TRIM2: variants seen among roughly 807,000 people sequenced by gnomAD.
TRIM2 encodes the protein tripartite motif-containing protein 2.
Under a neutral mutation model 75.2 loss-of-function variants are expected in TRIM2, and 20 were observed. The observed-to-expected ratio is 0.27, with a 90% confidence interval of 0.19 to 0.39. TRIM2 has a LOEUF of 0.39. TRIM2 is among the 10% of genes least tolerant of loss of function. TRIM2 has a pLI of 1.00. For missense variants in TRIM2, 660 were observed against 990.8 expected, an observed-to-expected ratio of 0.67 and a Z score of 4.48; for synonymous variants, 373 against 388.3, an observed-to-expected ratio of 0.96 and a Z score of 0.46.
At chr4:153,206,003 C>T (rs1735318081) in intron 1 of TRIM2, among the ~76,000 whole-genome samples, 1 of 152,226 alleles carries the variant, frequency 6.6e-6, no homozygotes, top group Non-Finnish European at 1.5e-5. Context: ...ACTTTTGACT[C>T]TCCCAGGTGG....
At chr4:153,317,574 C>T (rs943196626) in intron 8 of TRIM2, among the ~76,000 whole-genome samples, 3 of 151,366 alleles carry the variant, frequency 2.0e-5, no homozygotes, top group South Asian at 2.1e-4. Context: ...GTGTGAACCC[C>T]GGGAGGCGGA....
chr4:153,161,661 C>T (rs1052978713), intron 1 of TRIM2, among the ~76,000 whole-genome samples: 3 of 152,198 alleles, frequency 2.0e-5, no homozygotes, highest in Admixed American at 1.3e-4. Context: ...AACGCTAGTA[C>T]ACTTATTAGT....
chr4:153,171,716 T>G (rs559194692), intron 1 of TRIM2, among the ~76,000 whole-genome samples: 6 of 152,066 alleles, frequency 3.9e-5, no homozygotes, highest in African/African-American at 1.4e-4. Context: ...AATTGGAAAA[T>G]TACACAAAAG....
chr4:153,212,793 T>C (rs1029450507), intron 1 of TRIM2, among the ~76,000 whole-genome samples: 2 of 152,362 alleles, frequency 1.3e-5, no homozygotes, highest in Non-Finnish European at 2.9e-5. Flanking sequence ...GCCTGTCTTC[T>C]TTATTCCCTT....
intron 3 of TRIM2, among the ~76,000 whole-genome samples, chr4:153,283,819 G>C (rs530069513): frequency 7.4e-6 from 1 of 135,786 alleles, no homozygotes; most frequent in African/African-American, 2.7e-5. Context: ...TGTATTTTTA[G>C]TAGAGACGGG....
intron 6 of TRIM2, among the ~76,000 whole-genome samples, chr4:153,305,750 C>T (rs1486192568): frequency 2.0e-5 from 3 of 152,236 alleles, no homozygotes; most frequent in African/African-American, 7.2e-5. Flanking sequence ...TCTGCCCTCA[C>T]AACACAATAA....
In TRIM2 at chr4:153,336,206, T is replaced by A; in HGVS notation, c.*1240T>A. ...AGCACTCTGAAAGACAGAAGCTTCG[T>A]CCAGCCACTCTTCAGCACATTCCTT... On this transcript the variant is annotated 3_prime_UTR_variant, in exon 12 of 12. Transcript: ENST00000338700. 1.0e-6 allele frequency: 1 copy of A among 985,576 alleles called. No homozygotes were observed. Among genetic ancestry groups the A allele is most frequent in the Non-Finnish European group, 1.2e-6 (1 of 829,878 alleles). 61.1% of individuals were successfully genotyped at this position (985,576 alleles called of 1,614,324 possible). A position where few individuals can be genotyped will look rare whatever the true frequency, so the allele number is the denominator to read the frequency against.
In TRIM2 at chr4:153,338,154, G is replaced by T. The variant is rs1382979914; in HGVS notation, c.*3188G>T. ...TTGCTTCCACTACTAAATATACAGGGTATGTCCTAACATGGAGTTAACTGG... is the reference window on the plus strand; with the variant it reads ...TTGCTTCCACTACTAAATATACAGGTTATGTCCTAACATGGAGTTAACTGG... On this transcript the variant is annotated 3_prime_UTR_variant, in exon 12 of 12. Transcript: ENST00000338700. 1.7e-5 allele frequency: 17 copies of T among 985,670 alleles called. No homozygotes were observed. The highest frequency in any genetic ancestry group is 1.9e-5 in the Non-Finnish European group (16 of 829,938). 61.1% of individuals were successfully genotyped at this position (985,670 alleles called of 1,614,324 possible).
chr4:153,295,138 G>C lies in TRIM2; in HGVS notation c.787-175G>C, dbSNP rs1312516843. 6.6e-6 allele frequency among the ~76,000 whole-genome samples: 1 copy of C among 152,220 alleles called. No individual in the cohort carries two copies. Among genetic ancestry groups the C allele is most frequent in the Non-Finnish European group, 1.5e-5 (1 of 68,026 alleles). On this transcript the variant is annotated intron_variant, in intron 5 of 11. Transcript: ENST00000338700. This position sits in a 1 kb window ranked among gnomAD's most constrained non-coding sequence, Gnocchi z 7.2. ...AAGGGAAACCTCGAAAAGGTACTGG[G>C]AATGCAGTTTAGGACTTTGCGTTAG...
At chr4:153,298,435 C>T (rs978892728) in intron 6 of TRIM2, among the ~76,000 whole-genome samples, 1 of 152,206 alleles carries the variant, frequency 6.6e-6, no homozygotes, top group Non-Finnish European at 1.5e-5. Flanking sequence ...TCTTTGTCCT[C>T]ACATAGTCAT....
At position 153,166,103 on chromosome 4, in the gene TRIM2, C is replaced by G. The variant is rs1405064407; in HGVS notation, c.-49+12833C>G. On this transcript the variant is annotated intron_variant, in intron 1 of 11. Transcript: ENST00000437508. ...AACTTTCAATTTCCAAGGGCTCACT[C>G]CTTGTTCTTTTTTAAAAAAAAATCC... 3.9e-5 allele frequency among the ~76,000 whole-genome samples: 6 copies of G among 151,910 alleles called. No individual in the cohort carries two copies. In the East Asian group the frequency reaches 1.2e-3, roughly 29 times the overall value.
chr4:153,271,378 A>T (rs1018167261), intron 2 of TRIM2, among the ~76,000 whole-genome samples: 2 of 152,190 alleles, frequency 1.3e-5, no homozygotes, highest in African/African-American at 2.4e-5. Context: ...ATGGCTTCAA[A>T]TCTATGCTGA....
intron 1 of TRIM2, among the ~76,000 whole-genome samples, chr4:153,266,186 G>C (rs1487106021): frequency 6.6e-6 from 1 of 152,026 alleles, no homozygotes. Context: ...TTTATTTTGA[G>C]CCAGAGTCTC....
chr4:153,186,084 G>A lies in TRIM2; in HGVS notation c.-49+32814G>A, dbSNP rs114203210. On this transcript the variant is annotated intron_variant, in intron 1 of 11. Transcript: ENST00000437508. ...GGGGAAATGCTACTGGTATCGAGTG[G>A]GTAGAGGCCAGGGAGGCTGGTACAC... Among the ~76,000 whole-genome samples the A allele has an allele frequency of 6.6e-3, 1,001 of 152,214 alleles. 11 individuals are homozygous for A. Among genetic ancestry groups the A allele is most frequent in the African/African-American group, 0.022 (917 of 41,526 alleles).
At chr4:153,324,012 C>A in intron 9 of TRIM2, 66 bp from the exon 10 acceptor site, 1 of 1,243,448 alleles carries the variant, frequency 8.0e-7, no homozygotes, top group Non-Finnish European at 1.2e-6. Flanking sequence ...TTGTTTGTTA[C>A]AGTAACTGCT....
chr4:153,162,450 G>C (rs1450060613), intron 1 of TRIM2, among the ~76,000 whole-genome samples: 2 of 152,172 alleles, frequency 1.3e-5, no homozygotes, highest in Non-Finnish European at 2.9e-5. Context: ...CTGCTGGAAA[G>C]TTCTCTCTTA....
intron 1 of TRIM2, among the ~76,000 whole-genome samples, chr4:153,227,833 G>A (rs146190406): frequency 4.6e-5 from 7 of 152,306 alleles, no homozygotes; most frequent in African/African-American, 1.7e-4. Context: ...GATTATAATA[G>A]TTTGCCTTAG....
rs746604348 is a variant in TRIM2, at chr4:153,295,406, G to A, written c.880G>A (p.Glu294Lys). The change falls in exon 6 of 12, where the codon GAG (glutamate) becomes AAG (lysine). Residue 294 changes from glutamate to lysine, a missense_variant. Glu to Lys is a moderately conservative substitution (Grantham distance 56). Around this residue, in one of 2 missense-constraint regions of TRIM2, gnomAD observed 620 missense variants for 891.0 expected, o/e 0.70. Coordinates refer to ENST00000338700, the MANE Select transcript of TRIM2 (RefSeq NM_015271.5). The surrounding 1 kb of genome is among the most constrained non-coding windows in gnomAD (Gnocchi z 7.2). ...FTAQALNHGTETEVLLVKKQM... is the reference protein window; with the variant it reads ...FTAQALNHGTKTEVLLVKKQM... ...AGCGCAGGCCCTCAACCATGGCACG[G>A]AGACCGAGGTCCTACTGGTGAAGAA... 2 of 1,614,160 alleles carry A rather than the reference G, an allele frequency of 1.2e-6. No individual in the cohort carries two copies. The highest frequency in any genetic ancestry group is 1.7e-6 in the Non-Finnish European group (2 of 1,180,006).
intron 1 of TRIM2, among the ~76,000 whole-genome samples, chr4:153,250,486 A>G (rs1429330867): frequency 1.3e-5 from 2 of 152,178 alleles, no homozygotes; most frequent in African/African-American, 4.8e-5. Flanking sequence ...AGGAATATTA[A>G]TGGGATGGTT....
Sources: gnomAD v4.1 joint callset for allele counts (sites outside exome capture counted in the v4.1 genomes callset) on GRCh38, gnomAD v4.1.1 for gene constraint, gnomAD v4.1.1 regional missense constraint, Gnocchi (gnomAD v3.1) non-coding constraint, MANE v1.5 for transcripts, NCBI Gene and HGNC (gene_info 2026-07-23, HGNC 2026-07-21) for gene names.